GCNT1: variants seen among roughly 807,000 people sequenced by gnomAD.
The protein encoded by GCNT1 is glucosaminyl (N-acetyl) transferase 1.
In GCNT1, 16 loss-of-function variants were observed where a neutral mutation model predicts 26.2. That is an observed-to-expected ratio of 0.61 (90% CI 0.41 to 0.93). The LOEUF (loss-of-function observed/expected upper bound fraction) is 0.93. Among genes scored for constraint, GCNT1 ranks in the 40% least tolerant of loss-of-function variants. The pLI, the probability that GCNT1 is intolerant of heterozygous loss-of-function variation, is 0.00. For missense variants in GCNT1, 477 were observed against 526.7 expected, an observed-to-expected ratio of 0.91 and a Z score of 0.92; for synonymous variants, 183 against 190.8, an observed-to-expected ratio of 0.96 and a Z score of 0.34.
upstream of GCNT1, among the ~76,000 whole-genome samples, chr9:76,437,584 T>C (rs565307756): frequency 9.9e-5 from 15 of 152,258 alleles, no homozygotes; most frequent in South Asian, 8.3e-4. Flanking sequence ...GTCTATAGAG[T>C]AGCCATTCTT....
intron 2 of GCNT1, among the ~76,000 whole-genome samples, chr9:76,471,706 T>C (rs1824136749): frequency 6.6e-6 from 1 of 152,210 alleles, no homozygotes; most frequent in African/African-American, 2.4e-5. Flanking sequence ...TTTTGAGGCA[T>C]GTCCTCTGTG....
Position 76,502,593 on chromosome 9 carries a change from AAAAGGT to A in GCNT1, c.217_222del (p.Val73_Lys74del). On this transcript the variant is annotated inframe_deletion, in exon 4 of 4. Coordinates refer to ENST00000376730, the MANE Select transcript of GCNT1 (RefSeq NM_001490.5). ...TTACAGGGTGATGTAAATGAAATCC[AAAAGGT>A]AAAGCTTGAGATCCTAACAGTGAAA... 6.2e-7 allele frequency: 1 copy of A among 1,613,986 alleles called. No homozygotes were observed. Among genetic ancestry groups the A allele is most frequent in the Non-Finnish European group, 8.5e-7 (1 of 1,179,892 alleles).
At chr9:76,451,956 TTTTTTTTTTTG>T (rs1802850681) in intron 1 of GCNT1, among the ~76,000 whole-genome samples, 3 of 87,152 alleles carry the variant, frequency 3.4e-5, no homozygotes, top group African/African-American at 1.5e-4. Context: ...TTCTTTTTTT[TTTTTTTTTTTG>T]TTGTTGTTGT....
chr9:76,415,340 A>G (rs1466939465), upstream of GCNT1, among the ~76,000 whole-genome samples: 1 of 152,160 alleles, frequency 6.6e-6, no homozygotes, highest in African/African-American at 2.4e-5. Flanking sequence ...TACAGGCATG[A>G]GTCACCACAC....
chr9:76,474,116 G>A (rs1587435174), intron 2 of GCNT1, among the ~76,000 whole-genome samples: 1 of 152,032 alleles, frequency 6.6e-6, no homozygotes, highest in South Asian at 2.1e-4. Context: ...AGAAAGAAAA[G>A]AAAAGATTCA....
intron 2 of GCNT1, among the ~76,000 whole-genome samples, chr9:76,471,896 G>A (rs1247014797): frequency 1.3e-5 from 2 of 152,104 alleles, no homozygotes; most frequent in African/African-American, 2.4e-5. Context: ...AGGCTGGAGT[G>A]CAGTGGCATG....
At chr9:76,412,355 A>G in the GCNT1 span, among the ~76,000 whole-genome samples, 1 of 152,174 alleles carries the variant, frequency 6.6e-6, no homozygotes, top group African/African-American at 2.4e-5. Flanking sequence ...TTCTTCTCTG[A>G]TACTCTATCT....
intron 1 of GCNT1, among the ~76,000 whole-genome samples, chr9:76,448,483 G>C (rs920861346): frequency 6.6e-6 from 1 of 152,048 alleles, no homozygotes; most frequent in Non-Finnish European, 1.5e-5. Flanking sequence ...AAATCTTATT[G>C]AGGCATGGTT....
At chr9:76,421,488 C>T (rs1006670280) in intron 1 of GCNT1, among the ~76,000 whole-genome samples, 1 of 150,724 alleles carries the variant, frequency 6.6e-6, no homozygotes. Flanking sequence ...CCTGTAGTCC[C>T]AGCTACTAGG....
At chr9:76,442,780 C>A (rs1423101111) in intron 1 of GCNT1, among the ~76,000 whole-genome samples, 1 of 151,990 alleles carries the variant, frequency 6.6e-6, no homozygotes, top group African/African-American at 2.4e-5. Flanking sequence ...TTACAAAGTA[C>A]CATATGAAGA....
At chr9:76,469,064 C>T (rs906710407) in intron 2 of GCNT1, among the ~76,000 whole-genome samples, 3 of 152,140 alleles carry the variant, frequency 2.0e-5, no homozygotes, top group Admixed American at 2.0e-4. Context: ...GATTGAAACC[C>T]ACTGGGCAAA....
At chr9:76,410,015 AATGTGT>A in the GCNT1 span, among the ~76,000 whole-genome samples, 1 of 152,048 alleles carries the variant, frequency 6.6e-6, no homozygotes, top group Non-Finnish European at 1.5e-5. Flanking sequence ...TTCTTTGACC[AATGTGT>A]TATTTAGAGT....
chr9:76,414,863 G>C (rs931048641), upstream of GCNT1, among the ~76,000 whole-genome samples: 8 of 152,104 alleles, frequency 5.3e-5, no homozygotes, highest in Admixed American at 4.6e-4. Context: ...AACCTCTGAC[G>C]TGTGATACCA....
Position 76,503,403 on chromosome 9 carries a change from A to C in GCNT1, c.1022A>C (p.Lys341Thr). 1 of 1,614,168 alleles carries C rather than the reference A, an allele frequency of 6.2e-7. No individual in the cohort carries two copies. The highest frequency in any genetic ancestry group is 8.5e-7 in the Non-Finnish European group (1 of 1,180,020). ...CCGGGCTCACTCCCTGCCAGCCATA[A>C]GTATGATCTGTCTGACATGCAAGCA... ...EVPGSLPASH[K>T]YDLSDMQAVA... The change falls in exon 4 of 4, where the codon AAG becomes ACG. Residue 341 changes from lysine to threonine, a missense_variant. Transcript: ENST00000376730.
At chr9:76,479,103 C>T (rs538985645) in intron 2 of GCNT1, among the ~76,000 whole-genome samples, 4 of 151,686 alleles carry the variant, frequency 2.6e-5, no homozygotes, top group Middle Eastern at 3.4e-3. Context: ...TGAGAACATG[C>T]GATGTTTGGT....
chr9:76,499,007 A>G (rs1374159070), intron 2 of GCNT1, among the ~76,000 whole-genome samples: 3 of 151,388 alleles, frequency 2.0e-5, no homozygotes, highest in Non-Finnish European at 2.9e-5. Flanking sequence ...CTGCCTGAAT[A>G]TCTTCATTTA....
chr9:76,404,739 A>G, the GCNT1 span, among the ~76,000 whole-genome samples: 1 of 152,226 alleles, frequency 6.6e-6, no homozygotes, highest in African/African-American at 2.4e-5. Context: ...TCAGTCTCAA[A>G]TGAGCTCCTG....
chr9:76,494,666 A>T (rs1372582711), intron 2 of GCNT1, among the ~76,000 whole-genome samples: 3 of 152,194 alleles, frequency 2.0e-5, no homozygotes, highest in Non-Finnish European at 4.4e-5. Context: ...GAAACTAGAA[A>T]AGCACCAGAG....
chr9:76,411,073 T>C, the GCNT1 span, among the ~76,000 whole-genome samples: 2 of 152,258 alleles, frequency 1.3e-5, no homozygotes, highest in African/African-American at 4.8e-5. Context: ...TTAATCTATA[T>C]ATGTCTTTAC....
Sources: gnomAD v4.1 joint callset for allele counts (sites outside exome capture counted in the v4.1 genomes callset) on GRCh38, gnomAD v4.1.1 for gene constraint, MANE v1.5 for transcripts, NCBI Gene and HGNC (gene_info 2026-07-23, HGNC 2026-07-21) for gene names.